ANK3: variants seen among roughly 807,000 people sequenced by gnomAD.
ANK3 encodes the protein ankyrin 3.
A neutral mutation model predicts 370.9 loss-of-function variants in ANK3; 57 were observed. The observed-to-expected ratio is 0.15, with a 90% confidence interval of 0.12 to 0.19. The LOEUF (loss-of-function observed/expected upper bound fraction) is 0.19, where lower values mean the gene tolerates loss of function less well. Ranked by LOEUF, ANK3 falls within the 10% of genes least tolerant of loss-of-function variation. The pLI is 1.00. For missense variants in ANK3, 4,439 were observed against 5,302.1 expected, an observed-to-expected ratio of 0.84 and a Z score of 5.06; for synonymous variants, 1,929 against 1,946.3, an observed-to-expected ratio of 0.99 and a Z score of 0.23.
At chr10:60,226,524 T>TATAGTATATATACATAGTATATATAC (rs1318330844) in intron 8 of ANK3, among the ~76,000 whole-genome samples, 23 of 56,952 alleles carry the variant, frequency 4.0e-4, no homozygotes, top group African/African-American at 3.0e-3. Flanking sequence ...GTATATATAC[T>TATAGTATATATACATAGTATATATAC]ATAGTATATA....
At chr10:60,536,770 A>G (rs1413421797) in intron 2 of ANK3, among the ~76,000 whole-genome samples, 1 of 152,094 alleles carries the variant, frequency 6.6e-6, no homozygotes, top group Non-Finnish European at 1.5e-5. Context: ...ACTCATCTCT[A>G]ATAAGTCATC....
chr10:60,064,167 T>C lies in ANK3; in HGVS notation c.12441A>G (p.Lys4147=). The change falls in exon 39 of 44, where the codon AAA becomes AAG. Residue 4147 remains lysine (K), a synonymous_variant. Coordinates refer to ENST00000280772, the MANE Select transcript of ANK3 (RefSeq NM_020987.5). The stretch of plus-strand genomic sequence containing the variant: ...ATAATTTCGGCATACTTGTGGCATT[T>C]TTTCCGTCTCTGGTAACCCATTTTT... ...LLKKWVTRDG[K]NATTDALTSV... The C allele has an allele frequency of 6.4e-7, 1 of 1,557,934 alleles. No individual in the cohort carries two copies. Among genetic ancestry groups the C allele is most frequent in the Non-Finnish European group, 8.6e-7 (1 of 1,162,758 alleles).
intron 2 of ANK3, among the ~76,000 whole-genome samples, chr10:60,473,687 T>G (rs1052561949): frequency 6.6e-6 from 1 of 152,058 alleles, no homozygotes; most frequent in Non-Finnish European, 1.5e-5. Flanking sequence ...GGTGAGGAGA[T>G]TGAAGCATAA....
At chr10:60,663,777 A>C (rs1465697226) in intron 1 of ANK3, among the ~76,000 whole-genome samples, 1 of 152,222 alleles carries the variant, frequency 6.6e-6, no homozygotes, top group Non-Finnish European at 1.5e-5. Flanking sequence ...TTATTTCTCC[A>C]AATTAATACA....
chr10:60,295,462 T>C (rs1361903289), intron 1 of ANK3, among the ~76,000 whole-genome samples: 1 of 152,214 alleles, frequency 6.6e-6, no homozygotes, highest in Non-Finnish European at 1.5e-5. Flanking sequence ...CACTTTAAAA[T>C]TATTTTAAGT....
chr10:60,525,838 T>G (rs1027410801), intron 2 of ANK3, among the ~76,000 whole-genome samples: 1 of 152,114 alleles, frequency 6.6e-6, no homozygotes, highest in Non-Finnish European at 1.5e-5. Flanking sequence ...ACCTGGCAAA[T>G]GCTAATTCCT....
At chr10:60,597,541 C>T (rs919119457) in intron 2 of ANK3, among the ~76,000 whole-genome samples, 1 of 152,130 alleles carries the variant, frequency 6.6e-6, no homozygotes, top group African/African-American at 2.4e-5. Flanking sequence ...AACAGGCAGG[C>T]CAGAATGAGT....
rs575012294 is a variant in ANK3 at position 60,257,435 on chromosome 10, T to C, written c.798+4424A>G. ...CAAGGTGCCTTCACAGATGGAGTTA[T>C]AGCAGTCATAGGCAGTAGGAAGTAG... is the stretch of plus-strand genomic sequence containing the variant. On this transcript the variant is annotated intron_variant, in intron 7 of 43. Transcript: ENST00000280772. 4.9e-4 allele frequency among the ~76,000 whole-genome samples: 75 copies of C among 152,346 alleles called. 1 individual carries two copies. Among genetic ancestry groups the C allele is most frequent in the East Asian group, 1.7e-3 (9 of 5,190 alleles).
chr10:60,182,173 A>T (rs2096211605), intron 17 of ANK3, among the ~76,000 whole-genome samples: 1 of 152,152 alleles, frequency 6.6e-6, no homozygotes, highest in Non-Finnish European at 1.5e-5. Context: ...TCTGTTTACA[A>T]AGTGAACACT....
intron 2 of ANK3, among the ~76,000 whole-genome samples, chr10:60,465,214 C>T (rs1320743112): frequency 6.6e-6 from 1 of 151,592 alleles, no homozygotes; most frequent in Non-Finnish European, 1.5e-5. Flanking sequence ...CCATGATTGC[C>T]CCACTGCACT....
chr10:60,184,443 T>G (rs2096275501), intron 17 of ANK3, among the ~76,000 whole-genome samples: 1 of 152,228 alleles, frequency 6.6e-6, no homozygotes, highest in Non-Finnish European at 1.5e-5. Flanking sequence ...ATTAGATAGT[T>G]TCTAATGAGA....
intron 2 of ANK3, among the ~76,000 whole-genome samples, chr10:60,588,474 C>T (rs374761103): frequency 1.3e-5 from 2 of 151,826 alleles, no homozygotes; most frequent in African/African-American, 2.4e-5. Flanking sequence ...TGAGCCACAA[C>T]GCCTGGCCTG....
intron 42 of ANK3, among the ~76,000 whole-genome samples, chr10:60,050,303 T>C (rs769163880): frequency 2.6e-5 from 4 of 152,194 alleles, no homozygotes; most frequent in East Asian, 1.9e-4. Flanking sequence ...GAGCTTACAA[T>C]TGATTTGCAG....
chr10:60,031,713 A>G (rs1416501593), intron 43 of ANK3, among the ~76,000 whole-genome samples: 2 of 152,256 alleles, frequency 1.3e-5, no homozygotes, highest in East Asian at 3.9e-4. Context: ...TACCTCAGAC[A>G]AGTATCTTCC....
intron 1 of ANK3, among the ~76,000 whole-genome samples, chr10:60,289,749 T>C (rs530376422): frequency 1.3e-5 from 2 of 152,326 alleles, no homozygotes; most frequent in Admixed American, 1.3e-4. Context: ...TTGGTAGCAC[T>C]GAGAAGTAAT....
intron 7 of ANK3, 94 bp downstream of exon 7, chr10:60,261,765 G>T: frequency 9.3e-7 from 1 of 1,072,612 alleles, no homozygotes; most frequent in Non-Finnish European, 1.4e-6. Context: ...AAGGACTCTT[G>T]GAGAAAATTT....
At chr10:60,272,980 A>G (rs2098024257) in intron 4 of ANK3, among the ~76,000 whole-genome samples, 1 of 152,166 alleles carries the variant, frequency 6.6e-6, no homozygotes, top group African/African-American at 2.4e-5. Context: ...TCCTTCCAGA[A>G]CCAACCATTT....
chr10:60,053,765 A>G lies in ANK3; in HGVS notation c.13065+1893T>C, dbSNP rs10994170. ...GGGATAAAAAGGGGGCTGTTTTCTG[A>G]GATCATACATCAGATGACCTAGTTG... On this transcript the variant is annotated intron_variant, in intron 42 of 43. Coordinates refer to ENST00000280772, the MANE Select transcript of ANK3 (RefSeq NM_020987.5). 4,589 of 1,301,132 alleles carry G rather than the reference A, an allele frequency of 3.5e-3. 89 individuals carry two copies. In the African/African-American group the frequency reaches 0.055, roughly 16 times the overall value. The allele number at this position is 1,301,132 out of a possible 1,614,324, so 80.6% of individuals were successfully genotyped here. A position where few individuals can be genotyped will look rare whatever the true frequency, so the allele number is the denominator to read the frequency against.
At chr10:60,460,364 G>A (rs1244275183) in intron 2 of ANK3, among the ~76,000 whole-genome samples, 1 of 152,132 alleles carries the variant, frequency 6.6e-6, no homozygotes. Flanking sequence ...GAAAATACAA[G>A]TTTGCATGGA....
Sources: allele counts gnomAD v4.1 joint callset (sites outside exome capture counted in the v4.1 genomes callset), GRCh38; gene constraint gnomAD v4.1.1; transcripts MANE v1.5; gene names NCBI Gene and HGNC (gene_info 2026-07-23, HGNC 2026-07-21).